MBNL2: variants seen among roughly 807,000 people sequenced by gnomAD.
MBNL2 encodes the protein muscleblind like splicing regulator 2.
In MBNL2, 17 loss-of-function variants were observed where a neutral mutation model predicts 41.9. The observed-to-expected ratio is 0.41, with a 90% confidence interval of 0.28 to 0.61. The LOEUF (loss-of-function observed/expected upper bound fraction) is 0.61, where lower values mean the gene tolerates loss of function less well. Among genes scored for constraint, MBNL2 ranks in the 20% least tolerant of loss-of-function variants. The pLI is 0.35. For synonymous variants in MBNL2, 195 were observed against 182.9 expected, an observed-to-expected ratio of 1.07 and a Z score of -0.53; for missense variants, 336 against 505.6, an observed-to-expected ratio of 0.66 and a Z score of 3.22.
chr13:97,352,807 A>C (rs1194621839), intron 5 of MBNL2, among the ~76,000 whole-genome samples: 1 of 152,218 alleles, frequency 6.6e-6, no homozygotes, highest in East Asian at 1.9e-4. Context: ...ACAACATATC[A>C]AAGTACTAAT....
chr13:97,164,067 C>T, the MBNL2 span, among the ~76,000 whole-genome samples: 7 of 152,292 alleles, frequency 4.6e-5, no homozygotes, highest in Non-Finnish European at 1.0e-4. Flanking sequence ...AGTGCAGCGG[C>T]ACAATCTTGG....
At chr13:97,227,485 T>C (rs1020671822) in intron 1 of MBNL2, among the ~76,000 whole-genome samples, 12 of 152,218 alleles carry the variant, frequency 7.9e-5, no homozygotes, top group African/African-American at 2.4e-4. Flanking sequence ...AATTAACATA[T>C]GTGTAGTTTC....
chr13:97,350,046 A>G (rs1372218293), intron 5 of MBNL2, among the ~76,000 whole-genome samples: 2 of 152,184 alleles, frequency 1.3e-5, no homozygotes, highest in African/African-American at 4.8e-5. Context: ...GAGGTATGGA[A>G]TGAGGCCCTG....
At chr13:97,385,006 A>G (rs1174851199) in intron 8 of MBNL2, among the ~76,000 whole-genome samples, 1 of 152,068 alleles carries the variant, frequency 6.6e-6, no homozygotes, top group African/African-American at 2.4e-5. Flanking sequence ...TGAGTCCTTA[A>G]CTACCCTAAC....
chr13:97,203,365 C>A, the MBNL2 span, among the ~76,000 whole-genome samples: 1 of 152,116 alleles, frequency 6.6e-6, no homozygotes, highest in African/African-American at 2.4e-5. Context: ...AGGCGCAAGT[C>A]TTTATTATAT....
intron 3 of MBNL2, among the ~76,000 whole-genome samples, chr13:97,341,193 A>T (rs2061414867): frequency 1.3e-5 from 2 of 152,166 alleles, no homozygotes; most frequent in Admixed American, 6.5e-5. Flanking sequence ...GCATCAGATC[A>T]TTTAGTAAAA....
chr13:97,203,707 T>G, the MBNL2 span, among the ~76,000 whole-genome samples: 1 of 152,180 alleles, frequency 6.6e-6, no homozygotes, highest in African/African-American at 2.4e-5. Flanking sequence ...CTACCTAACC[T>G]TCATCATTTT....
At chr13:97,156,799 C>G in the MBNL2 span, among the ~76,000 whole-genome samples, 1 of 152,058 alleles carries the variant, frequency 6.6e-6, no homozygotes, top group Non-Finnish European at 1.5e-5. Flanking sequence ...GTTACTGTAG[C>G]CTTGTAGTAT....
chr13:97,369,461 A>G (rs2064160116), intron 8 of MBNL2, among the ~76,000 whole-genome samples: 1 of 152,224 alleles, frequency 6.6e-6, no homozygotes, highest in African/African-American at 2.4e-5. Flanking sequence ...AGTGAAACTA[A>G]TGATTCCAGA....
At chr13:97,208,705 T>C in the MBNL2 span, among the ~76,000 whole-genome samples, 1 of 152,216 alleles carries the variant, frequency 6.6e-6, no homozygotes, top group Non-Finnish European at 1.5e-5. Flanking sequence ...GAGAAGCTCC[T>C]AATAATGAGA....
the MBNL2 span, among the ~76,000 whole-genome samples, chr13:97,201,612 C>T: frequency 1.3e-5 from 2 of 151,866 alleles, no homozygotes; most frequent in East Asian, 3.9e-4. Flanking sequence ...TTTATCTATT[C>T]ATTATAATTT....
At chr13:97,358,438 C>T (rs2063154990) in intron 7 of MBNL2, among the ~76,000 whole-genome samples, 1 of 152,074 alleles carries the variant, frequency 6.6e-6, no homozygotes, top group Admixed American at 6.5e-5. Context: ...TATATATACA[C>T]ATTCCACAGA....
chr13:97,273,555 T>C (rs1334723335), intron 1 of MBNL2, among the ~76,000 whole-genome samples: 1 of 152,234 alleles, frequency 6.6e-6, no homozygotes, highest in Non-Finnish European at 1.5e-5. Context: ...TGTCATAGCT[T>C]TCAAGATTGC....
chr13:97,343,002 T>C lies in MBNL2; in HGVS notation c.340-14T>C. ...CTAAATAACTCTTTCTCCTGTGTTG[T>C]CTTCCTTTAACAGCCCACTTTCCCT... On this transcript the variant is annotated splice_polypyrimidine_tract_variant and intron_variant, in intron 3 of 8. Transcript: ENST00000679496. 1 of 1,558,222 alleles carries C rather than the reference T, an allele frequency of 6.4e-7. No homozygotes were observed. Among genetic ancestry groups the C allele is most frequent in the Non-Finnish European group, 8.8e-7 (1 of 1,130,490 alleles).
chr13:97,331,527 C>T (rs1476116139), intron 2 of MBNL2, among the ~76,000 whole-genome samples: 1 of 152,034 alleles, frequency 6.6e-6, no homozygotes, highest in Non-Finnish European at 1.5e-5. Context: ...GATTTTTATC[C>T]TCCCTGGATT....
chr13:97,371,888 C>T (rs2064418032), intron 8 of MBNL2, among the ~76,000 whole-genome samples: 1 of 152,218 alleles, frequency 6.6e-6, no homozygotes, highest in Non-Finnish European at 1.5e-5. Context: ...TCCCTGCCAG[C>T]ACAGCAGTTG....
At chr13:97,183,637 A>G in the MBNL2 span, among the ~76,000 whole-genome samples, 1 of 152,330 alleles carries the variant, frequency 6.6e-6, no homozygotes, top group African/African-American at 2.4e-5. Context: ...ACAGTTGGGT[A>G]CGCCTCCAAA....
chr13:97,203,568 G>A, the MBNL2 span, among the ~76,000 whole-genome samples: 2 of 152,152 alleles, frequency 1.3e-5, no homozygotes, highest in Non-Finnish European at 2.9e-5. Flanking sequence ...TCTATGCCTT[G>A]CTTCCTTACT....
chr13:97,152,713 G>A, the MBNL2 span, among the ~76,000 whole-genome samples: 1 of 152,090 alleles, frequency 6.6e-6, no homozygotes, highest in Non-Finnish European at 1.5e-5. Context: ...ATAAAATAAA[G>A]ACATTGTCAG....
Sources: allele counts gnomAD v4.1 joint callset (sites outside exome capture counted in the v4.1 genomes callset), GRCh38; gene constraint gnomAD v4.1.1; transcripts MANE v1.5; gene names NCBI Gene and HGNC (gene_info 2026-07-23, HGNC 2026-07-21).